DCTN1: variants seen among roughly 807,000 people sequenced by gnomAD.
DCTN1 encodes 150 kDa dynein-associated polypeptide.
DCTN1 carries 61 observed loss-of-function variants against 161.2 expected under a neutral mutation model. The observed-to-expected ratio is 0.38, with a 90% CI of 0.31 to 0.47. The LOEUF (loss-of-function observed/expected upper bound fraction) is 0.47. Ranked by LOEUF, DCTN1 falls within the 20% of genes least tolerant of loss-of-function variation. The pLI, the probability that DCTN1 is intolerant of heterozygous loss-of-function variation, is 0.99. For synonymous variants in DCTN1, 653 were observed against 632.4 expected, an observed-to-expected ratio of 1.03 and a Z score of -0.49; for missense variants, 1,404 against 1,623.7, an observed-to-expected ratio of 0.86 and a Z score of 2.33.
intron 1 of DCTN1, among the ~76,000 whole-genome samples, chr2:74,389,559 AACTTCTTCTCCTTTGTACCCTCATGGTC>A: frequency 6.6e-6 from 1 of 152,256 alleles, no homozygotes; most frequent in African/African-American, 2.4e-5. Flanking sequence ...CCTCCCTAAC[AACTTCTTCTCCTTTGTACCCTCATGGTC>A]AGTCAGGCCC....
chr2:74,391,861 GC>G (rs1676025928), exon 1 of DCTN1: 2 of 453,202 alleles, frequency 4.4e-6, no homozygotes, highest in African/African-American at 4.0e-5. Flanking sequence ...ACCCTGCGGG[GC>G]CGGCCCCGCC....
rs1675445660 is a variant in DCTN1, at chr2:74,380,122, C to T, written c.-85G>A. 1.7e-5 allele frequency: 25 copies of T among 1,492,396 alleles called. No homozygotes were observed. Among genetic ancestry groups the T allele is most frequent in the Non-Finnish European group, 2.2e-5 (24 of 1,075,444 alleles). 92.4% of individuals were successfully genotyped at this position (1,492,396 alleles called of 1,614,324 possible). Reference sequence around the variant, plus strand: ...AAACCTAGGCAGGAGGGTCAGGGCGCTGGGCCCTCATAGAGGGACACAGGA... The same window carrying T: ...AAACCTAGGCAGGAGGGTCAGGGCGTTGGGCCCTCATAGAGGGACACAGGA... On this transcript the variant is annotated 5_prime_UTR_variant, in exon 1 of 32. Transcript: ENST00000628224.
chr2:74,361,525 G>C lies in DCTN1; in HGVS notation c.3811C>G (p.Gln1271Glu), dbSNP rs1673987624. 1 of 1,614,148 alleles carries C rather than the reference G, an allele frequency of 6.2e-7. No homozygotes were observed. The highest frequency in any genetic ancestry group is 1.7e-5 in the Admixed American group (1 of 60,022). The change falls in exon 32 of 32, where the codon CAG becomes GAG. Residue 1271 changes from glutamine (Q) to glutamate (E), a missense_variant. Gln to Glu is a conservative substitution (Grantham distance 29, BLOSUM62 2). This residue lies in a region of DCTN1 where 311 missense variants were observed against 298.9 expected (regional missense o/e 1.04). Coordinates refer to ENST00000628224, the MANE Select transcript of DCTN1 (RefSeq NM_004082.5). Reference protein sequence around the residue: ...RLVLTQEQLHQLHSRLIS With the variant: ...RLVLTQEQLHELHSRLIS Reference sequence around the variant, plus strand: ...TAGGAGATGAGGCGACTGTGAAGCTGGTGCAGCTGCTCCTGGGTCAGCACC... The same window carrying C: ...TAGGAGATGAGGCGACTGTGAAGCTCGTGCAGCTGCTCCTGGGTCAGCACC...
chr2:74,368,218 T>G (rs368231106), intron 16 of DCTN1, 87 bp from the exon 17 acceptor site: 13 of 1,519,678 alleles, frequency 8.6e-6, no homozygotes, highest in Non-Finnish European at 1.1e-5. Flanking sequence ...AGCTTAACTA[T>G]GTGGGGAGCA....
intron 23 of DCTN1, 79 bp downstream of exon 23, chr2:74,366,165 T>A: frequency 1.2e-6 from 2 of 1,611,782 alleles, no homozygotes; most frequent in South Asian, 2.2e-5. Context: ...TGTCTCCCCG[T>A]CCTCCCACAA....
intron 29 of DCTN1, 98 bp from the exon 30 acceptor site, chr2:74,362,827 A>G: frequency 7.6e-7 from 1 of 1,323,464 alleles, no homozygotes; most frequent in Non-Finnish European, 1.1e-6. Context: ...CTCTAACAGA[A>G]CAAGTACTTG....
rs767176873 is a variant in DCTN1, at chr2:74,370,328, G to A, written c.1145C>T (p.Ser382Phe). Residue 382 changes from serine (S) to phenylalanine (F), a missense_variant, in exon 12 of 32, where the codon TCC becomes TTC. By Grantham distance (155) the Ser-to-Phe change is radical. Coordinates refer to ENST00000628224, the MANE Select transcript of DCTN1 (RefSeq NM_004082.5). This position sits in a 1 kb window ranked among gnomAD's most constrained non-coding sequence, Gnocchi z 4.4. ...DALVRMRDLS[S>F]SEKQEHVKLQ... ...CTTCACATGCTCCTGCTTCTCTGAG[G>A]AAGAAAGATCCCGCATCCTGCAGGG... 1 of 1,614,010 alleles carries A rather than the reference G, an allele frequency of 6.2e-7. No individual in the cohort carries two copies. The highest frequency in any genetic ancestry group is 2.2e-5 in the East Asian group (1 of 44,872).
Position 74,370,832 on chromosome 2 carries a change from A to T in DCTN1, c.844-7T>A. The T allele has an allele frequency of 6.2e-7, 1 of 1,614,172 alleles. No individual in the cohort carries two copies. The highest frequency in any genetic ancestry group is 8.5e-7 in the Non-Finnish European group (1 of 1,180,026). ...CCAGCGCCTCCTTGGCTTCCTGAGG[A>T]AGAAGTGGAGGTGGGAGGGGGTACC... On this transcript the variant is annotated splice_region_variant and splice_polypyrimidine_tract_variant and intron_variant, in intron 9 of 31. Transcript: ENST00000628224. The surrounding 1 kb of genome is among the most constrained non-coding windows in gnomAD (Gnocchi z 4.4).
chr2:74,366,171 C>G (rs1674392361), intron 23 of DCTN1, 73 bp downstream of exon 23: 1 of 1,612,088 alleles, frequency 6.2e-7, no homozygotes, highest in African/African-American at 1.3e-5. Context: ...CCCGTCCTCC[C>G]ACAACTAGCA....
intron 6 of DCTN1, chr2:74,373,526 G>C: frequency 5.5e-6 from 1 of 181,702 alleles, no homozygotes. Context: ...ACCAGATCCT[G>C]CAGCAGTCCC....
At chr2:74,374,772 T>G in intron 5 of DCTN1, 1 of 1,114,486 alleles carries the variant, frequency 9.0e-7, no homozygotes, top group Non-Finnish European at 1.1e-6. Context: ...AGGGCTTTGC[T>G]GGCTCCTCCT....
At position 74,370,791 on chromosome 2, in the gene DCTN1, T is replaced by C. The variant is rs1674777664; in HGVS notation, c.878A>G (p.Tyr293Cys). The change falls in exon 10 of 32, where the codon TAT (tyrosine) becomes TGT (cysteine). Residue 293 changes from tyrosine (Y) to cysteine (C), a missense_variant. Around this residue, in one of 9 missense-constraint regions of DCTN1, gnomAD observed 67 missense variants for 116.3 expected, o/e 0.58. Coordinates refer to ENST00000628224, the MANE Select transcript of DCTN1 (RefSeq NM_004082.5). This position sits in a 1 kb window ranked among gnomAD's most constrained non-coding sequence, Gnocchi z 4.4. Reference protein sequence around the residue: ...AKEALEAKERYMEEMADTADA... With the variant: ...AKEALEAKERCMEEMADTADA... ...AGCAGTATCAGCCATCTCCTCCATA[T>C]AGCGTTCCTTTGCCTCCAGCGCCTC... 1.2e-6 allele frequency: 2 copies of C among 1,614,086 alleles called. No homozygotes were observed.
rs1410525024 is a variant in DCTN1, at chr2:74,376,734, C to T, written c.414+8G>A. ...CATCCACCCAGGCACAAATAGTAAA[C>T]ACACCACCTTCTTAGGCTTCAGTCC... On this transcript the variant is annotated splice_region_variant and intron_variant, in intron 5 of 31. Transcript: ENST00000628224. The T allele has an allele frequency of 6.2e-7, 1 of 1,604,286 alleles. No individual in the cohort carries two copies. The highest frequency in any genetic ancestry group is 1.1e-5 in the South Asian group (1 of 88,836).
In DCTN1 at chr2:74,377,418, C is replaced by T; in HGVS notation, c.393+14G>A. ...CCCTTTATTATTCCCCATTCCCACC[C>T]CCAAATCACTCACCAGTTTGCTAGT... On this transcript the variant is annotated intron_variant, in intron 4 of 31. Transcript: ENST00000628224. 1 of 1,611,846 alleles carries T rather than the reference C, an allele frequency of 6.2e-7. No individual in the cohort carries two copies. Among genetic ancestry groups the T allele is most frequent in the Non-Finnish European group, 8.5e-7 (1 of 1,177,932 alleles).
chr2:74,365,414 T>C (rs1028996572), intron 25 of DCTN1, 101 bp downstream of exon 25: 85 of 1,582,032 alleles, frequency 5.4e-5, no homozygotes, highest in Non-Finnish European at 5.5e-5. Context: ...AAATGGGGAG[T>C]CTCACTATAA....
rs778507584 is a variant in DCTN1 at position 74,366,947 on chromosome 2, G to T, written c.2317-15C>A. The T allele has an allele frequency of 2.5e-6, 4 of 1,614,220 alleles. No homozygotes were observed. Among genetic ancestry groups the T allele is most frequent in the Non-Finnish European group, 3.4e-6 (4 of 1,180,036 alleles). On this transcript the variant is annotated splice_polypyrimidine_tract_variant and intron_variant, in intron 20 of 31. Coordinates refer to ENST00000628224, the MANE Select transcript of DCTN1 (RefSeq NM_004082.5). ...TCCTGCCCACCCTACTCAGGAAAAA[G>T]AAAATGGATGGAGAACCAAGTTAGC...
intron 26 of DCTN1, 83 bp downstream of exon 26, chr2:74,364,992 T>TG: frequency 1.3e-6 from 2 of 1,569,960 alleles, no homozygotes; most frequent in Non-Finnish European, 1.8e-6. Context: ...GTAAGGGGGG[T>TG]GGGGCAGAGG....
At chr2:74,388,772 T>C (rs1675859253) in intron 1 of DCTN1, among the ~76,000 whole-genome samples, 1 of 152,202 alleles carries the variant, frequency 6.6e-6, no homozygotes, top group South Asian at 2.1e-4. Flanking sequence ...GAGAAGGTAT[T>C]CAATGTTGAA....
In DCTN1 at chr2:74,367,839, C is replaced by T. The variant is rs1288116155; in HGVS notation, c.2041G>A (p.Val681Met). Reference protein sequence around the residue: ...EHALSQCSVDVYKKVGSLYPE... With the variant: ...EHALSQCSVDMYKKVGSLYPE... ...TACAGGCTGCCCACTTTCTTATACACATCCACACTGCACTGAGAGAGGGCA... is the reference window on the plus strand; with the variant it reads ...TACAGGCTGCCCACTTTCTTATACATATCCACACTGCACTGAGAGAGGGCA... Residue 681 changes from valine to methionine, a missense_variant, in exon 18 of 32, where the codon GTG becomes ATG. Physicochemically the swap from Val to Met is conservative, Grantham distance 21. Coordinates refer to ENST00000628224, the MANE Select transcript of DCTN1 (RefSeq NM_004082.5). 2 of 1,614,086 alleles carry T rather than the reference C, an allele frequency of 1.2e-6. No homozygotes were observed. Among genetic ancestry groups the T allele is most frequent in the East Asian group, 2.2e-5 (1 of 44,894 alleles).
Sources: allele counts gnomAD v4.1 joint callset (sites outside exome capture counted in the v4.1 genomes callset), GRCh38; gene constraint gnomAD v4.1.1; regional missense constraint gnomAD v4.1.1; non-coding constraint Gnocchi (gnomAD v3.1); transcripts MANE v1.5; gene names NCBI Gene and HGNC (gene_info 2026-07-23, HGNC 2026-07-21).